The following RAPGEF2 variants were observed in gnomAD, a reference collection of about 807,000 sequenced individuals.
RAPGEF2 encodes the protein PDZ domain containing guanine nucleotide exchange factor (GEF) 1.
Under a neutral mutation model 186.7 loss-of-function variants are expected in RAPGEF2, and 54 were observed. The observed-to-expected ratio is 0.29, with a 90% CI of 0.23 to 0.36. RAPGEF2 has a LOEUF of 0.36. Ranked by LOEUF, RAPGEF2 falls within the 10% of genes least tolerant of loss-of-function variation. RAPGEF2 has a pLI of 1.00. For missense variants in RAPGEF2, 1,532 were observed against 2,045.0 expected, an observed-to-expected ratio of 0.75 and a Z score of 4.84; for synonymous variants, 712 against 705.9, an observed-to-expected ratio of 1.01 and a Z score of -0.14.
At chr4:159,143,729 T>C (rs929433279) in intron 1 of RAPGEF2, among the ~76,000 whole-genome samples, 2 of 152,212 alleles carry the variant, frequency 1.3e-5, no homozygotes, top group African/African-American at 4.8e-5. Flanking sequence ...AATAGGTGTT[T>C]CTGGCGTTTT....
intron 6 of RAPGEF2, 95 bp from the exon 7 acceptor site, chr4:159,243,679 A>G: frequency 1.2e-6 from 1 of 811,950 alleles, no homozygotes; most frequent in South Asian, 1.4e-5. Flanking sequence ...TAATTTTAAC[A>G]TTATCTTCAT....
intron 20 of RAPGEF2, among the ~76,000 whole-genome samples, chr4:159,342,568 T>TTTATA (rs1729665412): frequency 4.8e-5 from 6 of 124,182 alleles, no homozygotes; most frequent in African/African-American, 6.8e-5. Context: ...TTTATTTTAT[T>TTTATA]TTATTTTATT....
rs151110324 is a variant in RAPGEF2, at chr4:159,193,596, A to G, written c.197+340A>G. 2.7e-3 allele frequency among the ~76,000 whole-genome samples: 418 copies of G among 152,328 alleles called. 1 individual carries two copies. Among genetic ancestry groups the G allele is most frequent in the African/African-American group, 9.4e-3 (391 of 41,584 alleles). On this transcript the variant is annotated intron_variant, in intron 3 of 29. Transcript: ENST00000691494. Reference sequence around the variant, plus strand: ...ATATTCCCACAGCCACACCAGATGAAATGTGAAGATAGCATAAAGGCCATA... The same window carrying G: ...ATATTCCCACAGCCACACCAGATGAGATGTGAAGATAGCATAAAGGCCATA...
chr4:159,269,203 A>G (rs917627720), intron 7 of RAPGEF2, among the ~76,000 whole-genome samples: 1 of 152,126 alleles, frequency 6.6e-6, no homozygotes, highest in Non-Finnish European at 1.5e-5. Context: ...CATGAGTACA[A>G]TTTGGTTTTG....
intron 7 of RAPGEF2, among the ~76,000 whole-genome samples, chr4:159,292,291 C>A (rs1422119916): frequency 6.6e-6 from 1 of 152,140 alleles, no homozygotes; most frequent in Non-Finnish European, 1.5e-5. Flanking sequence ...ATGCGAACGC[C>A]ACCCTACCTT....
chr4:159,154,670 C>G (rs1206338551), intron 1 of RAPGEF2, among the ~76,000 whole-genome samples: 1 of 152,110 alleles, frequency 6.6e-6, no homozygotes, highest in Admixed American at 6.6e-5. Context: ...GGATAGGTAG[C>G]AGGCTGAATT....
intron 7 of RAPGEF2, among the ~76,000 whole-genome samples, chr4:159,277,283 A>G (rs939398591): frequency 2.4e-4 from 37 of 152,136 alleles, no homozygotes; most frequent in Non-Finnish European, 4.7e-4. Flanking sequence ...ATAGTATTCC[A>G]TGGTGTATAT....
At chr4:159,106,434 A>G (rs1737893275) in intron 1 of RAPGEF2, among the ~76,000 whole-genome samples, 1 of 152,184 alleles carries the variant, frequency 6.6e-6, no homozygotes, top group Admixed American at 6.5e-5. Flanking sequence ...GTTTTTGTAG[A>G]AGGTACTTTT....
intron 1 of RAPGEF2, among the ~76,000 whole-genome samples, chr4:159,175,809 TTCTC>T (rs1189477880): frequency 6.6e-6 from 1 of 152,160 alleles, no homozygotes; most frequent in Admixed American, 6.5e-5. Flanking sequence ...CTGCATTTCT[TTCTC>T]TCCCTGTTCT....
In RAPGEF2 at chr4:159,265,559, G is replaced by T. The variant is rs535425428; in HGVS notation, c.543+21768G>T. On this transcript the variant is annotated intron_variant, in intron 7 of 29. Coordinates refer to ENST00000691494, the MANE Select transcript of RAPGEF2 (RefSeq NM_001394067.2). ...TGAGCATGGTGTAAGTCTGGAAAAT[G>T]TATAAATCTTGCAGATCATGATAAG... 1.4e-4 allele frequency among the ~76,000 whole-genome samples: 21 copies of T among 152,312 alleles called. No homozygotes were observed. In the South Asian group the frequency reaches 4.1e-3, roughly 30 times the overall value.
intron 3 of RAPGEF2, among the ~76,000 whole-genome samples, chr4:159,210,147 T>A (rs758023283): frequency 2.0e-5 from 3 of 152,202 alleles, no homozygotes; most frequent in Non-Finnish European, 2.9e-5. Context: ...GGAAAATGAT[T>A]AGAAATAGTA....
chr4:159,356,572 C>T (rs1249018715), intron 29 of RAPGEF2, among the ~76,000 whole-genome samples: 4 of 152,078 alleles, frequency 2.6e-5, no homozygotes, highest in African/African-American at 4.8e-5. Flanking sequence ...TTCTAATTCT[C>T]GTTAAAATTG....
chr4:159,239,824 G>A (rs1432651884), intron 5 of RAPGEF2, among the ~76,000 whole-genome samples: 1 of 152,202 alleles, frequency 6.6e-6, no homozygotes, highest in African/African-American at 2.4e-5. Context: ...TAAAGATGAT[G>A]ATGGAAACTT....
At chr4:159,254,417 T>C (rs1189084255) in intron 7 of RAPGEF2, among the ~76,000 whole-genome samples, 10 of 152,192 alleles carry the variant, frequency 6.6e-5, no homozygotes, top group Non-Finnish European at 1.5e-4. Context: ...CCTGAGACCA[T>C]ACTTTGTGAA....
At chr4:159,299,907 G>A (rs1040716160) in intron 7 of RAPGEF2, among the ~76,000 whole-genome samples, 1 of 151,474 alleles carries the variant, frequency 6.6e-6, no homozygotes, top group African/African-American at 2.4e-5. Context: ...TTATACAAAT[G>A]ATACCAAGGT....
In RAPGEF2 at chr4:159,210,487, C is replaced by T; in HGVS notation, c.198-13C>T. On this transcript the variant is annotated splice_polypyrimidine_tract_variant and intron_variant, in intron 3 of 29. Transcript: ENST00000691494. The stretch of plus-strand genomic sequence containing the variant: ...ATAGGTAACAATCTGATTCTGTTAC[C>T]TTTTCTTTTCAGCCCTGATGATATT... 6.6e-7 allele frequency: 1 copy of T among 1,514,610 alleles called. No homozygotes were observed. 93.8% of individuals were successfully genotyped at this position (1,514,610 alleles called of 1,614,324 possible).
In RAPGEF2 at chr4:159,270,872, G is replaced by A. The variant is rs531745493; in HGVS notation, c.543+27081G>A. 2.9e-4 allele frequency among the ~76,000 whole-genome samples: 44 copies of A among 152,246 alleles called. 1 individual carries two copies. In the South Asian group the frequency reaches 8.5e-3, roughly 29 times the overall value. ...AGAAATGCACCCAGCACTGGGCTGT[G>A]TTTTTATAGTCATGTGGTGCTTTTC... On this transcript the variant is annotated intron_variant, in intron 7 of 29. Transcript: ENST00000691494.
rs1261917229 is a variant in RAPGEF2, at chr4:159,186,631, C to T, written c.70-11C>T. 7.2e-7 allele frequency: 1 copy of T among 1,380,452 alleles called. No homozygotes were observed. Among genetic ancestry groups the T allele is most frequent in the Non-Finnish European group, 9.6e-7 (1 of 1,036,504 alleles). The allele number at this position is 1,380,452 out of a possible 1,614,324, so 85.5% of individuals were successfully genotyped here. ...CAGGTCTAATAATTTCTATTCTTTTCTTTGAAACAGGATCTGGAAATAGTA... is the reference window on the plus strand; with the variant it reads ...CAGGTCTAATAATTTCTATTCTTTTTTTTGAAACAGGATCTGGAAATAGTA... On this transcript the variant is annotated splice_polypyrimidine_tract_variant and intron_variant, in intron 1 of 29. Coordinates refer to ENST00000691494, the MANE Select transcript of RAPGEF2 (RefSeq NM_001394067.2).
At chr4:159,114,063 G>A (rs1014335738) in intron 1 of RAPGEF2, among the ~76,000 whole-genome samples, 1 of 151,186 alleles carries the variant, frequency 6.6e-6, no homozygotes, top group African/African-American at 2.4e-5. Context: ...AAGGATCCTC[G>A]CACCTTAGGC....
Sources: gnomAD v4.1 joint callset for allele counts (sites outside exome capture counted in the v4.1 genomes callset) on GRCh38, gnomAD v4.1.1 for gene constraint, MANE v1.5 for transcripts, NCBI Gene and HGNC (gene_info 2026-07-23, HGNC 2026-07-21) for gene names.